ACSM5: variants seen among roughly 807,000 people sequenced by gnomAD.
ACSM5 encodes acyl-coenzyme A synthetase ACSM5, mitochondrial.
In ACSM5, 56 loss-of-function variants were observed where a neutral mutation model predicts 71.6. The ratio of observed to expected loss-of-function variants is 0.78; its 90% confidence interval spans 0.63 to 0.98. The LOEUF (loss-of-function observed/expected upper bound fraction) is 0.98. ACSM5 is among the 50% of genes least tolerant of loss of function. The pLI, the probability that ACSM5 is intolerant of heterozygous loss-of-function variation, is 0.00. For missense variants in ACSM5, 723 were observed against 726.0 expected (o/e 1.00, Z 0.05); for synonymous variants, 285 against 281.5 (o/e 1.01, Z -0.12).
chr16:20,423,096 G>C (rs1329391439), intron 5 of ACSM5, among the ~76,000 whole-genome samples: 3 of 152,146 alleles, frequency 2.0e-5, no homozygotes, highest in African/African-American at 4.8e-5. Flanking sequence ...TGTAAAGATG[G>C]TATTTCATAC....
rs13332459 is a variant in ACSM5 at position 20,429,138 on chromosome 16, G to A, written c.1002-540G>A. Among the ~76,000 whole-genome samples the A allele has an allele frequency of 6.0e-3, 912 of 152,168 alleles. 7 individuals are homozygous for A. Among genetic ancestry groups the A allele is most frequent in the African/African-American group, 0.021 (872 of 41,520 alleles). On this transcript the variant is annotated intron_variant, in intron 7 of 13. Transcript: ENST00000331849. ...CTTTCCTCCCACTTCAACATTCCAA[G>A]TAGCTGGGACTACAGGCATGTGCCA...
intron 1 of ACSM5, among the ~76,000 whole-genome samples, chr16:20,410,025 C>G (rs145785845): frequency 1.3e-5 from 2 of 152,232 alleles, no homozygotes; most frequent in African/African-American, 4.8e-5. Flanking sequence ...GGAAGTGAAA[C>G]CTGAAAGTCA....
At chr16:20,440,158 C>T (rs1482841593) in intron 13 of ACSM5, 186 bp from the exon 14 acceptor site, 3 of 665,490 alleles carry the variant, frequency 4.5e-6, no homozygotes, top group Non-Finnish European at 7.8e-6. Context: ...AGAGGTAGTG[C>T]TCAAATGCTG....
chr16:20,412,442 A>G (rs1323764379), intron 2 of ACSM5, among the ~76,000 whole-genome samples: 2 of 152,210 alleles, frequency 1.3e-5, no homozygotes, highest in Non-Finnish European at 2.9e-5. Context: ...TAACAGATAC[A>G]TAGAATTGAA....
intron 1 of ACSM5, among the ~76,000 whole-genome samples, chr16:20,410,636 G>A (rs1171254777): frequency 1.3e-5 from 2 of 152,152 alleles, no homozygotes; most frequent in African/African-American, 2.4e-5. Context: ...AGGAAGCCTG[G>A]GGTGGAAGGA....
intron 8 of ACSM5, 82 bp downstream of exon 8, chr16:20,429,883 C>A (rs528313270): frequency 3.9e-5 from 59 of 1,532,462 alleles, no homozygotes; most frequent in Non-Finnish European, 4.8e-5. Context: ...CTCCCTGAAG[C>A]TTCTCAGGGA....
At chr16:20,416,602 A>G (rs1361370442) in intron 2 of ACSM5, among the ~76,000 whole-genome samples, 1 of 152,226 alleles carries the variant, frequency 6.6e-6, no homozygotes, top group Non-Finnish European at 1.5e-5. Context: ...GACCTAAATG[A>G]AGAAACATAA....
chr16:20,420,218 C>T lies in ACSM5; in HGVS notation c.623+783C>T, dbSNP rs1325645193. 2.0e-5 allele frequency among the ~76,000 whole-genome samples: 3 copies of T among 152,184 alleles called. No homozygotes were observed. In the South Asian group the frequency reaches 6.2e-4, roughly 31 times the overall value. On this transcript the variant is annotated intron_variant, in intron 4 of 13. Transcript: ENST00000331849. ...CAGCTGCATCAGATTCACCTGGCTG[C>T]TGTTTTGAATACAGATGACAAGGCC... is the stretch of plus-strand genomic sequence containing the variant.
chr16:20,429,785 A>T lies in ACSM5; in HGVS notation c.1109A>T (p.Tyr370Phe), dbSNP rs1332001111. The T allele has an allele frequency of 6.2e-7, 1 of 1,611,724 alleles. No homozygotes were observed. The highest frequency in any genetic ancestry group is 8.5e-7 in the Non-Finnish European group (1 of 1,179,096). ...HQTGVELYEG[Y>F]GQSETVVICA... ...ACTGGTGTGGAGCTGTACGAAGGCTATGGCCAGTCTGAAACGGTGAGTGCT... is the reference window on the plus strand; with the variant it reads ...ACTGGTGTGGAGCTGTACGAAGGCTTTGGCCAGTCTGAAACGGTGAGTGCT... Residue 370 changes from tyrosine (Y) to phenylalanine (F), a missense_variant, in exon 8 of 14, where the codon TAT becomes TTT. By Grantham distance (22) the Tyr-to-Phe change is conservative. Coordinates refer to ENST00000331849, the MANE Select transcript of ACSM5 (RefSeq NM_017888.3).
intron 8 of ACSM5, 27 bp downstream of exon 8, chr16:20,429,828 A>G (rs1381486024): frequency 1.6e-5 from 26 of 1,607,802 alleles, no homozygotes; most frequent in Non-Finnish European, 2.1e-5. Context: ...CCAGGTCCCT[A>G]CCCCCCAGGT....
chr16:20,431,820 G>A (rs776077945), intron 10 of ACSM5, among the ~76,000 whole-genome samples: 21 of 152,064 alleles, frequency 1.4e-4, no homozygotes, highest in South Asian at 4.2e-4. Context: ...GCATGGTGGC[G>A]CACGCCTCTA....
At chr16:20,415,188 C>T (rs879569066) in intron 2 of ACSM5, among the ~76,000 whole-genome samples, 6 of 152,102 alleles carry the variant, frequency 3.9e-5, no homozygotes, top group Non-Finnish European at 8.8e-5. Context: ...AAAAATAGAG[C>T]CAGAACCTGG....
At position 20,418,025 on chromosome 16, in the gene ACSM5, GCTT is replaced by G. The variant is rs1296061929; in HGVS notation, c.205-30_205-28del. Reference sequence around the variant, plus strand: ...AGCAAACAAAAATTCTCAATAAATTGCTTCTTTTTTTTTCTGCCTGTACCACCA... The same window carrying G: ...AGCAAACAAAAATTCTCAATAAATTGCTTTTTTTTTCTGCCTGTACCACCA... On this transcript the variant is annotated intron_variant, in intron 2 of 13. Coordinates refer to ENST00000331849, the MANE Select transcript of ACSM5 (RefSeq NM_017888.3). 1.9e-6 allele frequency: 3 copies of G among 1,582,234 alleles called. No individual in the cohort carries two copies. The African/African-American group carries it at 4.1e-5, about 22-fold the overall frequency.
At position 20,419,312 on chromosome 16, in the gene ACSM5, T is replaced by G. The variant is rs1163117946; in HGVS notation, c.500T>G (p.Ile167Ser). ...RLQASRAKSI[I>S]TSDSLAPRVD... is the part of the protein sequence containing the mutation. Reference sequence around the variant, plus strand: ...CAGGCGTCCAGGGCCAAGTCCATTATCACCAGTGACTCCCTAGCTCCAAGG... The same window carrying G: ...CAGGCGTCCAGGGCCAAGTCCATTAGCACCAGTGACTCCCTAGCTCCAAGG... Residue 167 changes from isoleucine to serine, a missense_variant, in exon 4 of 14, where the codon ATC becomes AGC. Physicochemically the swap from Ile to Ser is moderately radical, Grantham distance 142. Coordinates refer to ENST00000331849, the MANE Select transcript of ACSM5 (RefSeq NM_017888.3). The G allele has an allele frequency of 6.2e-7, 1 of 1,614,104 alleles. No individual in the cohort carries two copies. Among genetic ancestry groups the G allele is most frequent in the African/African-American group, 1.3e-5 (1 of 75,020 alleles).
chr16:20,417,978 T>C, intron 2 of ACSM5, 81 bp from the exon 3 acceptor site: 1 of 1,327,910 alleles, frequency 7.5e-7, no homozygotes, highest in Non-Finnish European at 1.0e-6. Flanking sequence ...TATTAACTAT[T>C]ATAAAACATT....
chr16:20,423,030 G>A (rs1427863438), intron 5 of ACSM5, among the ~76,000 whole-genome samples: 1 of 152,184 alleles, frequency 6.6e-6, no homozygotes, highest in Non-Finnish European at 1.5e-5. Context: ...TGTTGAGTGG[G>A]CATTTGGATA....
chr16:20,414,738 A>T (rs1193966982), intron 2 of ACSM5, among the ~76,000 whole-genome samples: 1 of 152,218 alleles, frequency 6.6e-6, no homozygotes, highest in Admixed American at 6.5e-5. Flanking sequence ...TAGAGGCTGG[A>T]AGAATTTTGA....
chr16:20,440,255 C>T (rs1967299129), intron 13 of ACSM5, 89 bp from the exon 14 acceptor site: 1 of 915,452 alleles, frequency 1.1e-6, no homozygotes, highest in Admixed American at 2.1e-5. Context: ...TTTCCAAGGA[C>T]AGGCAGACAG....
At chr16:20,436,281 C>T (rs1967198537) in intron 10 of ACSM5, among the ~76,000 whole-genome samples, 2 of 135,172 alleles carry the variant, frequency 1.5e-5, no homozygotes, top group South Asian at 5.6e-4. Context: ...CCCTCCCCTT[C>T]CTTTCCTTTG....
Sources: allele counts gnomAD v4.1 joint callset (sites outside exome capture counted in the v4.1 genomes callset), GRCh38; gene constraint gnomAD v4.1.1; transcripts MANE v1.5; gene names NCBI Gene and HGNC (gene_info 2026-07-23, HGNC 2026-07-21).